SCN9A: variants seen among roughly 807,000 people sequenced by gnomAD.
The protein encoded by SCN9A is sodium voltage-gated channel alpha subunit 9.
Under a neutral mutation model 187.0 loss-of-function variants are expected in SCN9A, and 131 were observed. That is an observed-to-expected ratio of 0.70 (90% CI 0.61 to 0.81). The LOEUF (loss-of-function observed/expected upper bound fraction) is 0.81. Ranked by LOEUF, SCN9A falls within the 30% of genes least tolerant of loss-of-function variation. The probability of loss-of-function intolerance (pLI) is 0.00; values close to 1 mark genes in which losing one functional copy is unlikely to be tolerated. For missense variants in SCN9A, 2,252 were observed against 2,396.6 expected, an observed-to-expected ratio of 0.94 and a Z score of 1.26; for synonymous variants, 809 against 808.6, an observed-to-expected ratio of 1.00 and a Z score of -0.01.
intron 24 of SCN9A, among the ~76,000 whole-genome samples, chr2:166,222,942 CAACAAAAAA>C (rs1694664687): frequency 1.8e-5 from 1 of 55,294 alleles, no homozygotes; most frequent in East Asian, 5.0e-4. Context: ...AAAAAAAAAA[CAACAAAAAA>C]AAAAAAAAAA....
chr2:166,212,605 A>G (rs977955584), intron 24 of SCN9A, among the ~76,000 whole-genome samples: 24 of 152,326 alleles, frequency 1.6e-4, no homozygotes, highest in South Asian at 2.1e-4. Context: ...CTATAAACAA[A>G]CTGTGGATTT....
chr2:166,331,028 G>A (rs1699490561), intron 1 of SCN9A, among the ~76,000 whole-genome samples: 1 of 152,038 alleles, frequency 6.6e-6, no homozygotes, highest in African/African-American at 2.4e-5. Flanking sequence ...GGCAAATTAG[G>A]CACAAAAGAC....
At chr2:166,363,253 C>A (rs1019754251) in intron 1 of SCN9A, among the ~76,000 whole-genome samples, 3 of 151,854 alleles carry the variant, frequency 2.0e-5, no homozygotes, top group African/African-American at 4.8e-5. Context: ...TCTACTTGAC[C>A]GTTGAGAAAA....
Position 166,266,275 on chromosome 2 carries a change from T to G in SCN9A, c.3351+6124A>C, listed in dbSNP as rs73021680. Among the ~76,000 whole-genome samples, 1,494 of 152,102 alleles carry G rather than the reference T, an allele frequency of 9.8e-3. 28 individuals are homozygous for G. The highest frequency in any genetic ancestry group is 0.033 in the African/African-American group (1,387 of 41,556). On this transcript the variant is annotated intron_variant, in intron 17 of 26. Coordinates refer to ENST00000642356, the MANE Select transcript of SCN9A (RefSeq NM_001365536.1). Reference sequence around the variant, plus strand: ...AGATAAAGGTCTAATTTCATTCTTTTGCATGTGGCTATTCAGTTTGCCCAG... The same window carrying G: ...AGATAAAGGTCTAATTTCATTCTTTGGCATGTGGCTATTCAGTTTGCCCAG...
In SCN9A at chr2:166,230,324, C is replaced by T. The variant is rs141439158; in HGVS notation, c.3925-1352G>A. Reference sequence around the variant, plus strand: ...TGGTTGTGCTGTCTTTCCGGAAAGACAATTCTAACTTTCATCAGATTCTTA... The same window carrying T: ...TGGTTGTGCTGTCTTTCCGGAAAGATAATTCTAACTTTCATCAGATTCTTA... On this transcript the variant is annotated intron_variant, in intron 21 of 26. Coordinates refer to ENST00000642356, the MANE Select transcript of SCN9A (RefSeq NM_001365536.1). Among the ~76,000 whole-genome samples, 600 of 152,188 alleles carry T rather than the reference C, an allele frequency of 3.9e-3. 6 individuals are homozygous for T. The highest frequency in any genetic ancestry group is 0.014 in the African/African-American group (575 of 41,518).
intron 1 of SCN9A, among the ~76,000 whole-genome samples, chr2:166,337,560 G>A (rs1322646733): frequency 6.6e-6 from 1 of 152,080 alleles, no homozygotes; most frequent in Non-Finnish European, 1.5e-5. Context: ...ACAAAACATG[G>A]CAAAACAGCT....
chr2:166,211,893 CA>C (rs910360986), intron 24 of SCN9A, among the ~76,000 whole-genome samples: 1 of 151,918 alleles, frequency 6.6e-6, no homozygotes, highest in Non-Finnish European at 1.5e-5. Flanking sequence ...AAAAATTTAA[CA>C]AAAAGGCAAT....
At chr2:166,285,707 A>C (rs1697707669) in intron 11 of SCN9A, among the ~76,000 whole-genome samples, 1 of 152,180 alleles carries the variant, frequency 6.6e-6, no homozygotes, top group Non-Finnish European at 1.5e-5. Context: ...GATGGAAAAC[A>C]GGGAAGACCT....
intron 18 of SCN9A, among the ~76,000 whole-genome samples, chr2:166,245,761 A>T (rs958550630): frequency 3.9e-4 from 60 of 152,126 alleles, no homozygotes; most frequent in African/African-American, 1.3e-3. Flanking sequence ...GATATTTCTA[A>T]AAGATTGATC....
intron 1 of SCN9A, among the ~76,000 whole-genome samples, chr2:166,361,575 C>T (rs546516362): frequency 6.3e-4 from 96 of 152,038 alleles, no homozygotes; most frequent in Non-Finnish European, 1.2e-3. Context: ...AATGTGGATA[C>T]ACTGAACACA....
At chr2:166,360,219 C>CA (rs1251018524) in intron 1 of SCN9A, among the ~76,000 whole-genome samples, 304 of 23,598 alleles carry the variant, frequency 0.013, 7 homozygotes, top group East Asian at 0.032. Context: ...AACTCTGTCT[C>CA]AAAAAAAAAA....
intron 17 of SCN9A, among the ~76,000 whole-genome samples, chr2:166,260,486 A>G (rs1263054394): frequency 6.6e-6 from 1 of 151,826 alleles, no homozygotes; most frequent in Non-Finnish European, 1.5e-5. Flanking sequence ...TGCATCCTCA[A>G]TGGACTAGTT....
At chr2:166,313,999 C>T (rs188145250) in intron 1 of SCN9A, among the ~76,000 whole-genome samples, 17 of 152,246 alleles carry the variant, frequency 1.1e-4, no homozygotes, top group East Asian at 1.9e-4. Flanking sequence ...AAACAGAACA[C>T]GTCACATTTA....
intron 1 of SCN9A, among the ~76,000 whole-genome samples, chr2:166,372,732 C>CA (rs772225059): frequency 1.3e-4 from 20 of 152,074 alleles, no homozygotes; most frequent in Admixed American, 2.0e-4. Flanking sequence ...AATAGAATCA[C>CA]AAAATTCATG....
At chr2:166,209,842 C>A (rs2106356491) in intron 24 of SCN9A, among the ~76,000 whole-genome samples, 1 of 152,224 alleles carries the variant, frequency 6.6e-6, no homozygotes, top group South Asian at 2.1e-4. Flanking sequence ...AATAGGAACA[C>A]TTTTACACTG....
intron 17 of SCN9A, among the ~76,000 whole-genome samples, chr2:166,266,020 C>T (rs1435664968): frequency 6.6e-6 from 1 of 151,886 alleles, no homozygotes; most frequent in Non-Finnish European, 1.5e-5. Context: ...GTTATCTCTT[C>T]ACTCTATTGA....
chr2:166,307,171 T>C (rs77797040), intron 2 of SCN9A, 97 bp from the exon 3 acceptor site: 3 of 666,644 alleles, frequency 4.5e-6, no homozygotes, highest in East Asian at 5.6e-5. Context: ...CAGTGTTATA[T>C]TGAAGAAACA....
intron 24 of SCN9A, among the ~76,000 whole-genome samples, chr2:166,208,799 T>A (rs1693940917): frequency 6.6e-6 from 1 of 152,190 alleles, no homozygotes; most frequent in East Asian, 1.9e-4. Flanking sequence ...AACATTGCAT[T>A]GTGGAAAAGA....
intron 17 of SCN9A, among the ~76,000 whole-genome samples, chr2:166,263,925 G>A (rs974513225): frequency 1.8e-4 from 28 of 151,942 alleles, no homozygotes; most frequent in African/African-American, 6.8e-4. Flanking sequence ...AGAAATCATG[G>A]CCTTGCTCAG....
Sources: allele counts gnomAD v4.1 joint callset (sites outside exome capture counted in the v4.1 genomes callset), GRCh38; gene constraint gnomAD v4.1.1; transcripts MANE v1.5; gene names NCBI Gene and HGNC (gene_info 2026-07-23, HGNC 2026-07-21).